ZFP82: variants seen among roughly 807,000 people sequenced by gnomAD.
ZFP82 encodes the protein ZFP82 zinc finger protein, also known as zinc finger protein 82 homolog.
ZFP82 carries 30 observed loss-of-function variants against 54.0 expected under a neutral mutation model. The ratio of observed to expected loss-of-function variants is 0.56; its 90% CI spans 0.42 to 0.75. The LOEUF is 0.75. Ranked by LOEUF, ZFP82 falls within the 30% of genes least tolerant of loss-of-function variation. ZFP82 has a pLI of 0.00. For missense variants in ZFP82, 500 were observed against 636.8 expected, an observed-to-expected ratio of 0.79 and a Z score of 2.31; for synonymous variants, 194 against 209.5, an observed-to-expected ratio of 0.93 and a Z score of 0.64.
In ZFP82 at chr19:36,392,290, AG is replaced by A. The variant is rs1268280687; in HGVS notation, c.*450del. The A allele has an allele frequency of 6.4e-6, 1 of 155,734 alleles. No homozygotes were observed. The highest frequency in any genetic ancestry group is 2.4e-5 in the African/African-American group (1 of 41,486). 9.6% of individuals were successfully genotyped at this position (155,734 alleles called of 1,614,324 possible). On this transcript the variant is annotated 3_prime_UTR_variant, in exon 5 of 5. Transcript: ENST00000392161. ...TTTCATGAGATGAAGTAACCCTACC[AG>A]TAAAGTCTGAGTCAAGAAACCAGCA... is the stretch of plus-strand genomic sequence containing the variant.
intron 1 of ZFP82, among the ~76,000 whole-genome samples, chr19:36,415,331 G>A (rs993332579): frequency 1.3e-5 from 2 of 152,186 alleles, no homozygotes; most frequent in African/African-American, 4.8e-5. Flanking sequence ...CTGGGTGGTA[G>A]GGGATGGAGA....
At chr19:36,400,333 T>G (rs144430467) in intron 4 of ZFP82, among the ~76,000 whole-genome samples, 73 of 152,338 alleles carry the variant, frequency 4.8e-4, no homozygotes, top group African/African-American at 1.7e-3. Context: ...TACAAGAAGT[T>G]CTGGGATATA....
intron 4 of ZFP82, among the ~76,000 whole-genome samples, chr19:36,401,461 C>A (rs1241659219): frequency 6.6e-6 from 1 of 152,186 alleles, no homozygotes; most frequent in Non-Finnish European, 1.5e-5. Context: ...CATTTCTTCT[C>A]CTTTTATATC....
intron 4 of ZFP82, among the ~76,000 whole-genome samples, chr19:36,402,084 G>A (rs2032393962): frequency 6.6e-6 from 1 of 152,174 alleles, no homozygotes; most frequent in African/African-American, 2.4e-5. Flanking sequence ...CTGACTAAAT[G>A]GATATTATCT....
At chr19:36,386,750 A>G (rs2032119848), downstream of ZFP82, among the ~76,000 whole-genome samples, 1 of 152,208 alleles carries the variant, frequency 6.6e-6, no homozygotes, top group Non-Finnish European at 1.5e-5. Context: ...CAGCCTGGCC[A>G]ACATGGTGAA....
At chr19:36,412,383 T>G (rs1386988078) in intron 1 of ZFP82, among the ~76,000 whole-genome samples, 1 of 152,182 alleles carries the variant, frequency 6.6e-6, no homozygotes, top group Non-Finnish European at 1.5e-5. Context: ...GTTAAAGAGA[T>G]AGTTTTTAAA....
chr19:36,403,864 T>A (rs906600384), intron 4 of ZFP82, among the ~76,000 whole-genome samples: 1 of 98,738 alleles, frequency 1.0e-5, no homozygotes, highest in African/African-American at 3.7e-5. Flanking sequence ...AAAACATATA[T>A]GATTATACTA....
At chr19:36,416,445 A>G (rs1186555393) in intron 1 of ZFP82, among the ~76,000 whole-genome samples, 1 of 152,118 alleles carries the variant, frequency 6.6e-6, no homozygotes, top group Non-Finnish European at 1.5e-5. Flanking sequence ...ATGAATTCAA[A>G]TTACTTCTGG....
rs1443665591 is a variant in ZFP82 at position 36,389,336 on chromosome 19, C to T, written c.*3405G>A. Among the ~76,000 whole-genome samples the T allele has an allele frequency of 6.6e-6, 1 of 152,010 alleles. No individual in the cohort carries two copies. The highest frequency in any genetic ancestry group is 2.4e-5 in the African/African-American group (1 of 41,366). ...TACAGGCATGAGCCACCACGCCTGGCCCAAACTTGATTTTCTACTTTAAAA... is the reference window on the plus strand; with the variant it reads ...TACAGGCATGAGCCACCACGCCTGGTCCAAACTTGATTTTCTACTTTAAAA... On this transcript the variant is annotated 3_prime_UTR_variant, in exon 5 of 5. Transcript: ENST00000392161.
At position 36,402,468 on chromosome 19, in the gene ZFP82, CA is replaced by C. The variant is rs377338348; in HGVS notation, c.229+3111del. Among the ~76,000 whole-genome samples, 151 of 57,442 alleles carry C rather than the reference CA, an allele frequency of 2.6e-3. 2 individuals are homozygous for C. The highest frequency in any genetic ancestry group is 0.024 in the Middle Eastern group (2 of 82). The allele number at this position is 57,442 out of a possible 152,430, so 37.7% of individuals were successfully genotyped here. The stretch of plus-strand genomic sequence containing the variant: ...TGGACAGAAGAGCGAGACTCCATCT[CA>C]AAAAAAAAAAAAAAAAAAGATTAGG... On this transcript the variant is annotated intron_variant, in intron 4 of 4. Transcript: ENST00000392161.
rs2032184322 is a variant in ZFP82 at position 36,390,768 on chromosome 19, TG to T, written c.*1972del. The T allele has an allele frequency of 1.3e-5, 2 of 152,116 alleles. No homozygotes were observed. Among genetic ancestry groups the T allele is most frequent in the Non-Finnish European group, 2.9e-5 (2 of 67,998 alleles). 9.4% of individuals were successfully genotyped at this position (152,116 alleles called of 1,614,324 possible). A position where few individuals can be genotyped will look rare whatever the true frequency, so the allele number is the denominator to read the frequency against. ...CATTCATTTGATCTTTGTTTTGTTT[TG>T]TTTTTTGTTTTTTGTTTGAGACAGA... On this transcript the variant is annotated 3_prime_UTR_variant, in exon 5 of 5. Transcript: ENST00000392161.
Position 36,390,578 on chromosome 19 carries a change from G to A in ZFP82, c.*2163C>T, listed in dbSNP as rs1378876723. 1 of 151,962 alleles carries A rather than the reference G, an allele frequency of 6.6e-6. No individual in the cohort carries two copies. The highest frequency in any genetic ancestry group is 2.4e-5 in the African/African-American group (1 of 41,354). 9.4% of individuals were successfully genotyped at this position (151,962 alleles called of 1,614,324 possible). On this transcript the variant is annotated 3_prime_UTR_variant, in exon 5 of 5. Coordinates refer to ENST00000392161, the MANE Select transcript of ZFP82 (RefSeq NM_133466.4). ...CATTTCATCACATCAAGTTCATCTG[G>A]CTGATCTCATTTAGAGATGTTAATA...
chr19:36,404,858 T>A (rs1444931939), intron 4 of ZFP82, among the ~76,000 whole-genome samples: 1 of 152,176 alleles, frequency 6.6e-6, no homozygotes, highest in Non-Finnish European at 1.5e-5. Flanking sequence ...TCCAAATGTA[T>A]GAACTTTGTC....
Position 36,393,923 on chromosome 19 carries a change from A to T in ZFP82, c.417T>A (p.Ser139Arg). 6.2e-7 allele frequency: 1 copy of T among 1,614,184 alleles called. No homozygotes were observed. The highest frequency in any genetic ancestry group is 8.5e-7 in the Non-Finnish European group (1 of 1,180,034). Residue 139 changes from serine (S) to arginine (R), a missense_variant, in exon 5 of 5, where the codon AGT becomes AGA. Physicochemically the swap from Ser to Arg is moderately radical, Grantham distance 110. Coordinates refer to ENST00000392161, the MANE Select transcript of ZFP82 (RefSeq NM_133466.4). ...CCTTTTCAGATGGCATTTTCACACT[A>T]CTGAAGTATCCTTCTTGAGGTCTCT... ...GQERPQEGYF[S>R]SVKMPSEKVS...
chr19:36,405,878 A>G (rs1168322514), intron 3 of ZFP82, among the ~76,000 whole-genome samples: 1 of 152,148 alleles, frequency 6.6e-6, no homozygotes, highest in Non-Finnish European at 1.5e-5. Context: ...TAAAATCTAT[A>G]TTCATATAAG....
chr19:36,399,858 T>C (rs2032354058), intron 4 of ZFP82, among the ~76,000 whole-genome samples: 1 of 152,222 alleles, frequency 6.6e-6, no homozygotes, highest in African/African-American at 2.4e-5. Flanking sequence ...TCTGCACTCA[T>C]ACTGCAAGTT....
In ZFP82 at chr19:36,388,993, T is replaced by C. The variant is rs576324362; in HGVS notation, c.*3748A>G. Among the ~76,000 whole-genome samples the C allele has an allele frequency of 2.6e-5, 4 of 152,226 alleles. No homozygotes were observed. The highest frequency in any genetic ancestry group is 7.2e-5 in the African/African-American group (3 of 41,562). On this transcript the variant is annotated 3_prime_UTR_variant, in exon 5 of 5. Transcript: ENST00000392161. ...TCCCCCAAGTTATCTGTAGGCAACA[T>C]GTGATCATTCATCACTAAATAGTCT...
At position 36,411,118 on chromosome 19, in the gene ZFP82, A is replaced by AGG. The variant is rs34636856; in HGVS notation, c.-78-1253_-78-1252dup. ...TGAGGGAGGAGAATCGCTTGGACCT[A>AGG]GGGGGGCGGAGGTTGCAGTGAGCCG... On this transcript the variant is annotated intron_variant, in intron 1 of 4. Coordinates refer to ENST00000392161, the MANE Select transcript of ZFP82 (RefSeq NM_133466.4). Among the ~76,000 whole-genome samples the AGG allele has an allele frequency of 4.6e-5, 7 of 151,242 alleles. No individual in the cohort carries two copies. In the East Asian group the frequency reaches 5.9e-4, roughly 13 times the overall value.
At chr19:36,413,121 AT>A (rs2032607510) in intron 1 of ZFP82, among the ~76,000 whole-genome samples, 1 of 152,240 alleles carries the variant, frequency 6.6e-6, no homozygotes, top group African/African-American at 2.4e-5. Context: ...TCATCAAAGA[AT>A]AATTTATTGG....
Sources: gnomAD v4.1 joint callset for allele counts (sites outside exome capture counted in the v4.1 genomes callset) on GRCh38, gnomAD v4.1.1 for gene constraint, MANE v1.5 for transcripts, NCBI Gene and HGNC (gene_info 2026-07-23, HGNC 2026-07-21) for gene names.